The following RBFOX3 variants were observed in gnomAD, a reference collection of about 807,000 sequenced individuals.
RBFOX3 encodes RNA binding fox-1 homolog 3.
In RBFOX3, 17 loss-of-function variants were observed where a neutral mutation model predicts 48.7. The observed-to-expected ratio is 0.35, with a 90% CI of 0.24 to 0.52. The LOEUF (loss-of-function observed/expected upper bound fraction) is 0.52. RBFOX3 is among the 20% of genes least tolerant of loss of function. The pLI is 0.94. For missense variants in RBFOX3, 382 were observed against 497.5 expected, an observed-to-expected ratio of 0.77 and a Z score of 2.21; for synonymous variants, 212 against 209.5, an observed-to-expected ratio of 1.01 and a Z score of -0.10.
intron 2 of RBFOX3, among the ~76,000 whole-genome samples, chr17:79,371,275 C>T (rs769308372): frequency 2.0e-5 from 3 of 152,242 alleles, no homozygotes; most frequent in Non-Finnish European, 2.9e-5. Flanking sequence ...CTGGTACGTT[C>T]CACTGTGAAA....
At chr17:79,429,985 C>T (rs2068110638) in intron 2 of RBFOX3, among the ~76,000 whole-genome samples, 1 of 152,116 alleles carries the variant, frequency 6.6e-6, no homozygotes, top group Admixed American at 6.5e-5. Flanking sequence ...AGGATGCAAG[C>T]CCCCAGCACA....
the RBFOX3 span, among the ~76,000 whole-genome samples, chr17:79,651,768 T>C: frequency 1.5e-5 from 2 of 137,566 alleles, no homozygotes; most frequent in Non-Finnish European, 1.6e-5. Flanking sequence ...TGTCTCCCCC[T>C]CCCTCTCCCT....
chr17:79,181,818 C>T (rs765874672), intron 4 of RBFOX3, among the ~76,000 whole-genome samples: 2 of 152,138 alleles, frequency 1.3e-5, no homozygotes, highest in Non-Finnish European at 2.9e-5. Flanking sequence ...TGGGCCAGCT[C>T]GGAAGGTCCC....
chr17:79,348,602 C>G (rs2083317884), intron 2 of RBFOX3, among the ~76,000 whole-genome samples: 1 of 69,534 alleles, frequency 1.4e-5, no homozygotes, highest in Non-Finnish European at 2.7e-5. Flanking sequence ...TTTTTTGAGA[C>G]AGAGTTTCAC....
intron 4 of RBFOX3, among the ~76,000 whole-genome samples, chr17:79,133,157 G>A (rs1214826953): frequency 6.6e-6 from 1 of 152,164 alleles, no homozygotes; most frequent in African/African-American, 2.4e-5. Flanking sequence ...CTGCCCACAG[G>A]AGCAGGGTGG....
chr17:79,138,728 CGCAT>C (rs2041042087), intron 4 of RBFOX3, among the ~76,000 whole-genome samples: 4 of 96,522 alleles, frequency 4.1e-5, no homozygotes, highest in Non-Finnish European at 6.1e-5. Flanking sequence ...CACCCACACA[CGCAT>C]GCACACAGCA....
intron 4 of RBFOX3, among the ~76,000 whole-genome samples, chr17:79,157,898 G>C (rs1434629515): frequency 6.6e-6 from 1 of 152,206 alleles, no homozygotes; most frequent in Non-Finnish European, 1.5e-5. Context: ...AGCTAGGATG[G>C]GGCTAGACGG....
Position 79,299,249 on chromosome 17 carries a change from C to T in RBFOX3, c.-74+8475G>A, listed in dbSNP as rs574460879. The stretch of plus-strand genomic sequence containing the variant: ...TGGCCAGCACACCCAGACACAACCC[C>T]GGATGGCATCAGGCTCGGTTAGGGG... On this transcript the variant is annotated intron_variant, in intron 3 of 14. Transcript: ENST00000693108. The surrounding 1 kb of genome is among the most constrained non-coding windows in gnomAD (Gnocchi z 4.5). 1.3e-4 allele frequency among the ~76,000 whole-genome samples: 20 copies of T among 151,870 alleles called. No individual in the cohort carries two copies. In the South Asian group the frequency reaches 3.1e-3, roughly 24 times the overall value.
intron 3 of RBFOX3, among the ~76,000 whole-genome samples, chr17:79,260,198 G>A (rs2065526527): frequency 6.6e-6 from 1 of 152,070 alleles, no homozygotes; most frequent in African/African-American, 2.4e-5. Context: ...TGGAATGGGA[G>A]CCTGCCTTGC....
intron 2 of RBFOX3, among the ~76,000 whole-genome samples, chr17:79,316,391 A>C (rs1177271672): frequency 6.6e-6 from 1 of 152,228 alleles, no homozygotes; most frequent in African/African-American, 2.4e-5. Flanking sequence ...TGTCCAGCTC[A>C]GTACAGACTC....
intron 4 of RBFOX3, among the ~76,000 whole-genome samples, chr17:79,156,485 G>T (rs548383185): frequency 6.6e-6 from 1 of 152,162 alleles, no homozygotes. Context: ...CTGGGAACTG[G>T]GTTTCCTTGG....
At chr17:79,604,416 C>T (rs2093781261) in intron 1 of RBFOX3, among the ~76,000 whole-genome samples, 1 of 151,880 alleles carries the variant, frequency 6.6e-6, no homozygotes, top group Non-Finnish European at 1.5e-5. Flanking sequence ...AAAAAGTCAT[C>T]CTCACACCTC....
In RBFOX3 at chr17:79,141,416, G is replaced by A. The variant is rs181690944; in HGVS notation, c.-33-25668C>T. On this transcript the variant is annotated intron_variant, in intron 4 of 14. Transcript: ENST00000693108. ...AGGCAGAGGCCCTGCCTAGGGCTCC[G>A]GGAGGGTCTCTTCTGGGCATCTGAT... is the stretch of plus-strand genomic sequence containing the variant. Among the ~76,000 whole-genome samples the A allele has an allele frequency of 4.6e-5, 7 of 152,316 alleles. No individual in the cohort carries two copies. The East Asian group carries it at 1.2e-3, about 25-fold the overall frequency.
intron 2 of RBFOX3, among the ~76,000 whole-genome samples, chr17:79,417,641 G>A (rs1393850894): frequency 6.6e-6 from 1 of 152,214 alleles, no homozygotes; most frequent in South Asian, 2.1e-4. Context: ...AGATGGCGCC[G>A]CTGCTGCGGA....
chr17:79,367,412 T>A (rs2057940189), intron 2 of RBFOX3, among the ~76,000 whole-genome samples: 1 of 148,860 alleles, frequency 6.7e-6, no homozygotes, highest in South Asian at 2.2e-4. Flanking sequence ...TCCCCCGACC[T>A]TCTCCCACTG....
At chr17:79,296,238 CA>C (rs1294669670) in intron 3 of RBFOX3, among the ~76,000 whole-genome samples, 1 of 151,768 alleles carries the variant, frequency 6.6e-6, no homozygotes, top group Non-Finnish European at 1.5e-5. Flanking sequence ...CTGCCATCAG[CA>C]AAAAATTAAA....
chr17:79,360,824 T>TG (rs1384106430), intron 2 of RBFOX3, among the ~76,000 whole-genome samples: 1 of 100,124 alleles, frequency 1.0e-5, no homozygotes, highest in Non-Finnish European at 2.1e-5. Flanking sequence ...TGGATCAAAT[T>TG]CCTTTTTTTT....
At chr17:79,487,948 C>T (rs1285310605) in intron 1 of RBFOX3, among the ~76,000 whole-genome samples, 1 of 126,932 alleles carries the variant, frequency 7.9e-6, no homozygotes, top group African/African-American at 2.7e-5. Context: ...GTGACCTGAA[C>T]ACCAACAAAT....
At position 79,363,940 on chromosome 17, in the gene RBFOX3, A is replaced by G. The variant is rs1200012537; in HGVS notation, c.-174-56116T>C. Among the ~76,000 whole-genome samples, 1 of 151,934 alleles carries G rather than the reference A, an allele frequency of 6.6e-6. No homozygotes were observed. Among genetic ancestry groups the G allele is most frequent in the Non-Finnish European group, 1.5e-5 (1 of 67,976 alleles). On this transcript the variant is annotated intron_variant, in intron 2 of 14. Transcript: ENST00000693108. This position sits in a 1 kb window ranked among gnomAD's most constrained non-coding sequence, Gnocchi z 4.7. The stretch of plus-strand genomic sequence containing the variant: ...CTCCACTCCAGCCACCCTGGCCTCC[A>G]GCTCCTCCACAAATCACAGCCTGTG...
Sources: allele counts gnomAD v4.1 joint callset (sites outside exome capture counted in the v4.1 genomes callset), GRCh38; gene constraint gnomAD v4.1.1; non-coding constraint Gnocchi (gnomAD v3.1); transcripts MANE v1.5; gene names NCBI Gene and HGNC (gene_info 2026-07-23, HGNC 2026-07-21).